Variants in AGFG1 observed in about 807,000 individuals in gnomAD.
The protein encoded by AGFG1 is ArfGAP with FG repeats 1, also known as arf-GAP domain and FG repeat-containing protein 1.
A neutral mutation model predicts 60.6 loss-of-function variants in AGFG1; 10 were observed. The ratio of observed to expected loss-of-function variants is 0.16; its 90% CI spans 0.10 to 0.28. The LOEUF (loss-of-function observed/expected upper bound fraction) is 0.28. Among genes scored for constraint, AGFG1 ranks in the 10% least tolerant of loss-of-function variants. The pLI is 1.00. For missense variants in AGFG1, 537 were observed against 676.5 expected (o/e 0.79, Z 2.29); for synonymous variants, 247 against 242.9 (o/e 1.02, Z -0.16).
chr2:227,531,289 C>A, intron 6 of AGFG1, 79 bp downstream of exon 6: 2 of 1,482,456 alleles, frequency 1.3e-6, no homozygotes, highest in Non-Finnish European at 1.8e-6. Flanking sequence ...AAAAATTAGT[C>A]TAAACTTAAA....
At chr2:227,472,737 G>C (rs1166090612) in intron 1 of AGFG1, 149 bp downstream of exon 1, 1 of 890,636 alleles carries the variant, frequency 1.1e-6, no homozygotes, top group Non-Finnish European at 1.5e-6. Flanking sequence ...TGGCGGGCGC[G>C]GCGTGGGAGG....
intron 1 of AGFG1, among the ~76,000 whole-genome samples, chr2:227,473,036 G>C (rs1690158053): frequency 6.6e-6 from 1 of 150,752 alleles, no homozygotes; most frequent in Non-Finnish European, 1.5e-5. Context: ...TCAGCGGCCC[G>C]GGAGCCGCGG....
intron 2 of AGFG1, among the ~76,000 whole-genome samples, chr2:227,501,073 C>T (rs1443246798): frequency 6.6e-6 from 1 of 152,034 alleles, no homozygotes; most frequent in Non-Finnish European, 1.5e-5. Context: ...GGATTACAGG[C>T]GTGAGCCACC....
chr2:227,515,021 C>G (rs78680577), intron 2 of AGFG1, among the ~76,000 whole-genome samples: 2 of 152,034 alleles, frequency 1.3e-5, no homozygotes, highest in Non-Finnish European at 2.9e-5. Flanking sequence ...TTGCCAGGCT[C>G]AGGTGATTCT....
intron 1 of AGFG1, among the ~76,000 whole-genome samples, chr2:227,474,800 G>A (rs189960720): frequency 6.6e-6 from 1 of 152,300 alleles, no homozygotes; most frequent in Admixed American, 6.5e-5. Context: ...TATGAGCTAG[G>A]TACACATGGC....
At chr2:227,475,363 C>T (rs1381812867) in intron 1 of AGFG1, among the ~76,000 whole-genome samples, 4 of 152,162 alleles carry the variant, frequency 2.6e-5, no homozygotes, top group East Asian at 1.9e-4. Context: ...ATGTTCTAAC[C>T]TGACTTCATT....
Position 227,524,790 on chromosome 2 carries a change from A to G in AGFG1, c.569A>G (p.Gln190Arg). 6.2e-7 allele frequency: 1 copy of G among 1,614,180 alleles called. No homozygotes were observed. Among genetic ancestry groups the G allele is most frequent in the South Asian group, 1.1e-5 (1 of 91,090 alleles). ...CCAGTTGTAGGTCGTTCTCAAGGGC[A>G]GCAGCAGGAGAAGAAGCAATTTGAC... ...QSPVVGRSQG[Q>R]QQEKKQFDLL... The change falls in exon 5 of 13, where the codon CAG (glutamine) becomes CGG (arginine). Residue 190 changes from glutamine to arginine, a missense_variant. This residue lies in a region of AGFG1 where 102 missense variants were observed against 82.9 expected (regional missense o/e 1.23). Transcript: ENST00000310078.
rs1692214342 is a variant in AGFG1, at chr2:227,533,207, T to C, written c.815-342T>C. Among the ~76,000 whole-genome samples the C allele has an allele frequency of 2.0e-5, 3 of 152,184 alleles. No homozygotes were observed. In the South Asian group the frequency reaches 6.2e-4, roughly 31 times the overall value. ...TACTTTGCATCTTGTTTGCAGTCTG[T>C]TCAGGGAGAACTAGTGAAAGGCTGT... On this transcript the variant is annotated intron_variant, in intron 6 of 12. Coordinates refer to ENST00000310078, the MANE Select transcript of AGFG1 (RefSeq NM_004504.5).
intron 3 of AGFG1, among the ~76,000 whole-genome samples, chr2:227,520,757 A>AT (rs1691800081): frequency 6.6e-6 from 1 of 152,228 alleles, no homozygotes; most frequent in Admixed American, 6.5e-5. Context: ...ACTAAGACTC[A>AT]TTAACTATGA....
At chr2:227,476,477 T>A (rs1690282894) in intron 1 of AGFG1, among the ~76,000 whole-genome samples, 1 of 152,196 alleles carries the variant, frequency 6.6e-6, no homozygotes. Context: ...CAGTGAGGGT[T>A]TAGATAAAAT....
rs747956301 is a variant in AGFG1, at chr2:227,557,784, C to A, written c.*3289C>A. The stretch of plus-strand genomic sequence containing the variant: ...CTTTTGCATTCCAACTTAAAAATTA[C>A]ACAGCATACACACGCTGGAAAACTC... On this transcript the variant is annotated 3_prime_UTR_variant, in exon 13 of 13. Coordinates refer to ENST00000310078, the MANE Select transcript of AGFG1 (RefSeq NM_004504.5). The A allele has an allele frequency of 6.6e-6, 1 of 152,136 alleles. No individual in the cohort carries two copies. Among genetic ancestry groups the A allele is most frequent in the Non-Finnish European group, 1.5e-5 (1 of 68,026 alleles). The allele number at this position is 152,136 out of a possible 1,614,324, so 9.4% of individuals were successfully genotyped here. A position where few individuals can be genotyped will look rare whatever the true frequency, so the allele number is the denominator to read the frequency against.
chr2:227,529,712 A>G (rs1692105032), intron 5 of AGFG1, among the ~76,000 whole-genome samples: 1 of 152,048 alleles, frequency 6.6e-6, no homozygotes, highest in Non-Finnish European at 1.5e-5. Context: ...ACTGTAATTG[A>G]TTTTTGTCAC....
chr2:227,478,423 G>C (rs1034082168), intron 1 of AGFG1, among the ~76,000 whole-genome samples: 2 of 151,888 alleles, frequency 1.3e-5, no homozygotes, highest in Non-Finnish European at 2.9e-5. Flanking sequence ...GTTCACTGCA[G>C]CCTTGACCTC....
chr2:227,534,883 G>T lies in AGFG1; in HGVS notation c.1063G>T (p.Ala355Ser), dbSNP rs1475115262. 1 of 1,613,696 alleles carries T rather than the reference G, an allele frequency of 6.2e-7. No homozygotes were observed. Among genetic ancestry groups the T allele is most frequent in the African/African-American group, 1.3e-5 (1 of 74,890 alleles). The change falls in exon 8 of 13, where the codon GCT becomes TCT. Residue 355 changes from alanine (A) to serine (S), a missense_variant. Transcript: ENST00000310078. ...QGSGFGTTGK[A>S]PVGSVVSVPS... is the part of the protein sequence containing the mutation. ...AAGTGGCTTTGGGACCACAGGTAAA[G>T]CTCCTGTTGGTTCTGTGGTTTCAGT...
Position 227,533,773 on chromosome 2 carries a change from G to A in AGFG1, c.1024+15G>A. 1 of 1,606,158 alleles carries A rather than the reference G, an allele frequency of 6.2e-7. No homozygotes were observed. Among genetic ancestry groups the A allele is most frequent in the Non-Finnish European group, 8.5e-7 (1 of 1,174,146 alleles). ...TGCCGGGCAAGGTATCAAGCTTTAAGCAAAACAAATACAAATTTGTGTTAA... is the reference window on the plus strand; with the variant it reads ...TGCCGGGCAAGGTATCAAGCTTTAAACAAAACAAATACAAATTTGTGTTAA... On this transcript the variant is annotated intron_variant, in intron 7 of 12. Transcript: ENST00000310078.
chr2:227,510,809 A>G (rs1223477738), intron 2 of AGFG1: 1 of 152,214 alleles, frequency 6.6e-6, no homozygotes, highest in Non-Finnish European at 1.5e-5. Flanking sequence ...CTAAGTCCTT[A>G]TGGTAGATGT....
At chr2:227,498,334 T>C (rs1422956817) in intron 2 of AGFG1, among the ~76,000 whole-genome samples, 2 of 152,126 alleles carry the variant, frequency 1.3e-5, no homozygotes, top group Non-Finnish European at 2.9e-5. Context: ...TATTAATAAA[T>C]GAAAACATTC....
At chr2:227,497,321 C>G (rs1194601596) in intron 2 of AGFG1, among the ~76,000 whole-genome samples, 1 of 152,064 alleles carries the variant, frequency 6.6e-6, no homozygotes, top group Admixed American at 6.6e-5. Context: ...TTTTTATGAC[C>G]TGACTTCTTA....
chr2:227,525,389 T>G (rs1462554631), intron 5 of AGFG1, among the ~76,000 whole-genome samples: 1 of 152,206 alleles, frequency 6.6e-6, no homozygotes, highest in Non-Finnish European at 1.5e-5. Context: ...CATCATTCCC[T>G]AAATAATAGT....
Sources: gnomAD v4.1 joint callset for allele counts (sites outside exome capture counted in the v4.1 genomes callset) on GRCh38, gnomAD v4.1.1 for gene constraint, gnomAD v4.1.1 regional missense constraint, MANE v1.5 for transcripts, NCBI Gene and HGNC (gene_info 2026-07-23, HGNC 2026-07-21) for gene names.